Variants in PKLR observed in about 807,000 individuals in gnomAD.
The protein encoded by PKLR is pyruvate kinase L/R.
PKLR carries 38 observed loss-of-function variants against 53.6 expected under a neutral mutation model. That is an observed-to-expected ratio of 0.71 (90% CI 0.55 to 0.93). PKLR has a LOEUF of 0.93. Ranked by LOEUF, PKLR falls within the 40% of genes least tolerant of loss-of-function variation. The pLI is 0.00. For synonymous variants in PKLR, 328 were observed against 316.2 expected (o/e 1.04, Z -0.39); for missense variants, 702 against 787.3 (o/e 0.89, Z 1.30).
rs778484808 is a variant in PKLR, at chr1:155,295,165, G to T, written c.645C>A (p.Gly215=). The change falls in exon 5 of 11, where the codon GGC becomes GGA. Residue 215 remains glycine, a synonymous_variant. Transcript: ENST00000342741. The surrounding 1 kb of genome is among the most constrained non-coding windows in gnomAD (Gnocchi z 4.3). ...TGAGCCCGTCGTCAATGTAGATGCG[G>T]CCCCCCACCGGCACGACCCGGACAA... ...PNIVRVVPVG[G]RIYIDDGLIS... is the part of the protein sequence containing the mutation. The T allele has an allele frequency of 1.1e-5, 17 of 1,613,994 alleles. No homozygotes were observed. In the African/African-American group the frequency reaches 2.1e-4, roughly 20 times the overall value.
chr1:155,306,773 G>A, the PKLR span, among the ~76,000 whole-genome samples: 1 of 152,256 alleles, frequency 6.6e-6, no homozygotes, highest in Admixed American at 6.5e-5. This position sits in a 1 kb window ranked among gnomAD's most constrained non-coding sequence, Gnocchi z 4.2. Context: ...GCGGACCCTC[G>A]CAGTGAGTGT....
chr1:155,301,428 T>C lies in PKLR; in HGVS notation c.-33A>G, dbSNP rs1477655151. 4 of 1,613,880 alleles carry C rather than the reference T, an allele frequency of 2.5e-6. No homozygotes were observed. Among genetic ancestry groups the C allele is most frequent in the Middle Eastern group, 1.7e-4 (1 of 6,056 alleles). On this transcript the variant is annotated 5_prime_UTR_variant, in exon 1 of 11. An upstream start codon of the reference 5' UTR is lost. Coordinates refer to ENST00000342741, the MANE Select transcript of PKLR (RefSeq NM_000298.6). ...GTGTGGGCCTGGGGCTGCGGGACCATGGAATGAGAGGGAGAGGATGACAAA... is the reference window on the plus strand; with the variant it reads ...GTGTGGGCCTGGGGCTGCGGGACCACGGAATGAGAGGGAGAGGATGACAAA...
chr1:155,303,238 G>T (rs1256208239), upstream of PKLR, among the ~76,000 whole-genome samples: 1 of 152,204 alleles, frequency 6.6e-6, no homozygotes, highest in Non-Finnish European at 1.5e-5. Context: ...GGGATGGTTT[G>T]GGGCATCCTT....
chr1:155,295,436 C>T lies in PKLR; in HGVS notation c.507+1G>A, dbSNP rs1572057140. 6.2e-7 allele frequency: 1 copy of T among 1,610,158 alleles called. No individual in the cohort carries two copies. ...CAGCGAGTCCCAGCCCCACTGCTCA[C>T]CCCCTGCAGGATCCCAGTGCGGATC... On this transcript the variant is annotated splice_donor_variant, in intron 4 of 10. Coordinates refer to ENST00000342741, the MANE Select transcript of PKLR (RefSeq NM_000298.6). LOFTEE classifies it high-confidence loss of function. This position sits in a 1 kb window ranked among gnomAD's most constrained non-coding sequence, Gnocchi z 4.3.
chr1:155,299,149 C>T, intron 2 of PKLR, among the ~76,000 whole-genome samples: 1 of 136,224 alleles, frequency 7.3e-6, no homozygotes, highest in African/African-American at 2.7e-5. Flanking sequence ...CTCCTTCCTT[C>T]CTTCCTTCTT....
intron 2 of PKLR, among the ~76,000 whole-genome samples, chr1:155,299,848 T>G: frequency 6.6e-6 from 1 of 152,124 alleles, no homozygotes; most frequent in Non-Finnish European, 1.5e-5. Flanking sequence ...TTTAAATAAT[T>G]TATTGTGCTT....
At chr1:155,307,617 G>A in the PKLR span, among the ~76,000 whole-genome samples, 1 of 152,198 alleles carries the variant, frequency 6.6e-6, no homozygotes, top group Admixed American at 6.5e-5. Context: ...TCGACATCAG[G>A]GAGTTAACTG....
At chr1:155,305,434 A>T (rs1211532481), upstream of PKLR, among the ~76,000 whole-genome samples, 1 of 152,170 alleles carries the variant, frequency 6.6e-6, no homozygotes, top group Non-Finnish European at 1.5e-5. Context: ...CTGGAGTTGG[A>T]AAAGAAAGAG....
chr1:155,302,237 C>CTT (rs35615990), upstream of PKLR, among the ~76,000 whole-genome samples: 12 of 118,952 alleles, frequency 1.0e-4, no homozygotes, highest in South Asian at 5.3e-4. Flanking sequence ...CTTTTCTTTT[C>CTT]TTTTTTTTTT....
intron 2 of PKLR, among the ~76,000 whole-genome samples, chr1:155,299,170 TTTCTTTCTTTCTTTCC>T (rs1431758045): frequency 5.0e-5 from 7 of 139,850 alleles, no homozygotes; most frequent in Non-Finnish European, 9.4e-5. Flanking sequence ...TCTCTCTCTC[TTTCTTTCTTTCTTTCC>T]TTCTTTCTTT....
rs772528391 is a variant in PKLR at position 155,293,137 on chromosome 1, AC to A, written c.1436+39del. The A allele has an allele frequency of 1.6e-6, 2 of 1,240,834 alleles. No individual in the cohort carries two copies. The highest frequency in any genetic ancestry group is 1.9e-4 in the Middle Eastern group (1 of 5,238). 76.9% of individuals were successfully genotyped at this position (1,240,834 alleles called of 1,614,324 possible). On this transcript the variant is annotated intron_variant, in intron 9 of 10. Coordinates refer to ENST00000342741, the MANE Select transcript of PKLR (RefSeq NM_000298.6). The surrounding 1 kb of genome is among the most constrained non-coding windows in gnomAD (Gnocchi z 4.2). ...TGGGGCCCGTCCCAGCCCACCCCTG[AC>A]CCAAAGCTCCATCTGGACATTCCCA...
chr1:155,305,288 C>G (rs1425915235), upstream of PKLR, among the ~76,000 whole-genome samples: 1 of 152,130 alleles, frequency 6.6e-6, no homozygotes, highest in East Asian at 1.9e-4. Flanking sequence ...TTGTCTGATG[C>G]AAAAAGTCTT....
chr1:155,294,512 CTGA>C lies in PKLR; in HGVS notation c.932_934del (p.Ile311del). On this transcript the variant is annotated inframe_deletion, in exon 6 of 11. Transcript: ENST00000342741. The stretch of plus-strand genomic sequence containing the variant: ...CACGCCTTCGTGGTTCTCAATTTTG[CTGA>C]TGATCTTGATGCCGTGTCCTTCCGG... The C allele has an allele frequency of 1.9e-6, 3 of 1,614,258 alleles. No individual in the cohort carries two copies. Among genetic ancestry groups the C allele is most frequent in the Non-Finnish European group, 2.5e-6 (3 of 1,180,054 alleles).
At chr1:155,302,174 C>T (rs1010647443), upstream of PKLR, among the ~76,000 whole-genome samples, 3 of 151,396 alleles carry the variant, frequency 2.0e-5, no homozygotes, top group Admixed American at 2.0e-4. Context: ...TACCGAGTAG[C>T]TGGGATTACA....
chr1:155,304,023 G>A (rs1648163610), upstream of PKLR, among the ~76,000 whole-genome samples: 1 of 152,116 alleles, frequency 6.6e-6, no homozygotes, highest in African/African-American at 2.4e-5. Flanking sequence ...TGGAGTGCAG[G>A]GTCGTGGCCC....
At position 155,301,429 on chromosome 1, in the gene PKLR, G is replaced by A. The variant is rs748791106; in HGVS notation, c.-34C>T. On this transcript the variant is annotated 5_prime_UTR_variant, in exon 1 of 11. Coordinates refer to ENST00000342741, the MANE Select transcript of PKLR (RefSeq NM_000298.6). ...TGTGGGCCTGGGGCTGCGGGACCAT[G>A]GAATGAGAGGGAGAGGATGACAAAA... 3 of 1,613,940 alleles carry A rather than the reference G, an allele frequency of 1.9e-6. No individual in the cohort carries two copies. In the South Asian group the frequency reaches 3.3e-5, roughly 18 times the overall value.
At chr1:155,301,181 T>C in intron 1 of PKLR, 115 bp downstream of exon 1, 1 of 1,411,926 alleles carries the variant, frequency 7.1e-7, no homozygotes, top group Admixed American at 1.8e-5. Context: ...TACGTTCCTC[T>C]CCAAAACCCA....
At position 155,294,209 on chromosome 1, in the gene PKLR, C is replaced by T. The variant is rs8177975; in HGVS notation, c.1116+26G>A. ...AGGTGTCCCTAAAACCCACAGAGTGCCGAACCTCAAGGCCTCACTCCAGAC... is the reference window on the plus strand; with the variant it reads ...AGGTGTCCCTAAAACCCACAGAGTGTCGAACCTCAAGGCCTCACTCCAGAC... On this transcript the variant is annotated intron_variant, in intron 7 of 10. Transcript: ENST00000342741. The T allele has an allele frequency of 1.1e-4, 171 of 1,613,614 alleles. 1 individual carries two copies. In the South Asian group the frequency reaches 1.8e-3, roughly 17 times the overall value.
At position 155,300,125 on chromosome 1, in the gene PKLR, G is replaced by C. The variant is rs752391774; in HGVS notation, c.256C>G (p.Arg86Gly). 3.1e-6 allele frequency: 5 copies of C among 1,613,860 alleles called. No homozygotes were observed. Among genetic ancestry groups the C allele is most frequent in the Non-Finnish European group, 4.2e-6 (5 of 1,180,020 alleles). The change falls in exon 2 of 11, where the codon CGC becomes GGC. Residue 86 changes from arginine (R) to glycine (G), a missense_variant. By Grantham distance (125) the Arg-to-Gly change is moderately radical (BLOSUM62 -2). This residue lies in a region of PKLR where 519 missense variants were observed against 537.1 expected (regional missense o/e 0.97). Transcript: ENST00000342741. ...ATGGTGGCAATGATGCTGGTACTGCGAGCAGCCACGGGCTCGGAGTCAATG... is the reference window on the plus strand; with the variant it reads ...ATGGTGGCAATGATGCTGGTACTGCCAGCAGCCACGGGCTCGGAGTCAATG... ...LDIDSEPVAA[R>G]STSIIATIGP... is the part of the protein sequence containing the mutation.
Sources: allele counts gnomAD v4.1 joint callset (sites outside exome capture counted in the v4.1 genomes callset), GRCh38; gene constraint gnomAD v4.1.1; regional missense constraint gnomAD v4.1.1; non-coding constraint Gnocchi (gnomAD v3.1); transcripts MANE v1.5; gene names NCBI Gene and HGNC (gene_info 2026-07-23, HGNC 2026-07-21).